CCDC15: variants seen among roughly 807,000 people sequenced by gnomAD.
The protein encoded by CCDC15 is coiled-coil domain containing 15, also known as coiled-coil domain-containing protein 15.
In CCDC15, 105 loss-of-function variants were observed where a neutral mutation model predicts 114.5. The observed-to-expected ratio is 0.92, with a 90% confidence interval of 0.78 to 1.08. The LOEUF (loss-of-function observed/expected upper bound fraction) is 1.08. Among genes scored for constraint, CCDC15 ranks in the 50% least tolerant of loss-of-function variants. CCDC15 has a pLI of 0.00. For synonymous variants in CCDC15, 334 were observed against 377.8 expected, an observed-to-expected ratio of 0.88 and a Z score of 1.34; for missense variants, 1,105 against 1,093.6, an observed-to-expected ratio of 1.01 and a Z score of -0.15.
At chr11:125,003,626 T>C (rs1948513118) in intron 11 of CCDC15, among the ~76,000 whole-genome samples, 1 of 152,060 alleles carries the variant, frequency 6.6e-6, no homozygotes, top group Admixed American at 6.6e-5. Flanking sequence ...ATTTTTTGTT[T>C]ATTCATGTTT....
At chr11:125,020,501 G>A (rs1591610990) in intron 13 of CCDC15, among the ~76,000 whole-genome samples, 2 of 151,900 alleles carry the variant, frequency 1.3e-5, no homozygotes, top group African/African-American at 2.4e-5. Context: ...AATTCTCTTT[G>A]AAATGCAAAT....
intron 13 of CCDC15, among the ~76,000 whole-genome samples, chr11:125,029,355 A>G (rs1307297597): frequency 6.6e-6 from 1 of 152,206 alleles, no homozygotes; most frequent in Non-Finnish European, 1.5e-5. Flanking sequence ...TAATCTTCAA[A>G]TAAAGACATA....
intron 1 of CCDC15, 101 bp from the exon 2 acceptor site, chr11:124,954,623 G>C: frequency 1.0e-6 from 1 of 973,070 alleles, no homozygotes; most frequent in Non-Finnish European, 1.6e-6. Flanking sequence ...TCTGCCTCCA[G>C]GGCTTCTCTC....
chr11:125,038,294 G>A (rs963340751), intron 13 of CCDC15, 137 bp from the exon 14 acceptor site: 1 of 548,580 alleles, frequency 1.8e-6, no homozygotes, highest in Non-Finnish European at 3.0e-6. Context: ...AGAAATTTTT[G>A]AGGATATTCT....
At chr11:124,994,588 G>C in intron 11 of CCDC15, among the ~76,000 whole-genome samples, 1 of 152,104 alleles carries the variant, frequency 6.6e-6, no homozygotes, top group East Asian at 1.9e-4. Flanking sequence ...GAGGGCAGGG[G>C]TTATGAGGAT....
intron 13 of CCDC15, among the ~76,000 whole-genome samples, chr11:125,033,521 G>A (rs569412238): frequency 6.6e-6 from 1 of 152,262 alleles, no homozygotes; most frequent in East Asian, 1.9e-4. Flanking sequence ...CTTCAAAGAT[G>A]TAGGTGTTGC....
chr11:124,974,230 C>T (rs1947934346), intron 4 of CCDC15, among the ~76,000 whole-genome samples: 1 of 152,202 alleles, frequency 6.6e-6, no homozygotes, highest in Non-Finnish European at 1.5e-5. Flanking sequence ...ATCCGCCTGC[C>T]TTGGCCTCCC....
rs376541698 is a variant in CCDC15 at position 124,987,512 on chromosome 11, A to C, written c.1286A>C (p.Lys429Thr). The change falls in exon 8 of 16, where the codon AAA (lysine) becomes ACA (threonine). Residue 429 changes from lysine to threonine, a missense_variant. Transcript: ENST00000344762. ...ACGAAAAACCAGGATGTTTTACTCA[A>C]AGACCACTGTGTTCTCCCTAAAGAC... ...LLTKNQDVLL[K>T]DHCVLPKDQS... 77 of 1,613,940 alleles carry C rather than the reference A, an allele frequency of 4.8e-5. No individual in the cohort carries two copies. The highest frequency in any genetic ancestry group is 6.1e-5 in the Non-Finnish European group (72 of 1,179,916).
intron 13 of CCDC15, among the ~76,000 whole-genome samples, chr11:125,006,302 C>A (rs141138541): frequency 8.5e-4 from 130 of 152,220 alleles, no homozygotes; most frequent in Non-Finnish European, 1.6e-3. Context: ...TTTTCACTTC[C>A]CTAATGACAT....
At chr11:124,990,140 T>C (rs1003448160) in intron 8 of CCDC15, among the ~76,000 whole-genome samples, 1 of 152,156 alleles carries the variant, frequency 6.6e-6, no homozygotes, top group African/African-American at 2.4e-5. Context: ...TAGAGACCAT[T>C]GTAGGGTTAT....
intron 11 of CCDC15, among the ~76,000 whole-genome samples, chr11:124,995,452 A>G (rs907465848): frequency 6.6e-6 from 1 of 152,272 alleles, no homozygotes; most frequent in African/African-American, 2.4e-5. Context: ...TTACCATTGT[A>G]TGAACAGCAC....
chr11:124,973,920 C>T (rs536653999), intron 4 of CCDC15, among the ~76,000 whole-genome samples: 1 of 152,288 alleles, frequency 6.6e-6, no homozygotes, highest in South Asian at 2.1e-4. Context: ...CTGACTAGTA[C>T]AGGATATACT....
intron 13 of CCDC15, among the ~76,000 whole-genome samples, chr11:125,020,016 C>A (rs768897549): frequency 6.6e-6 from 1 of 151,858 alleles, no homozygotes; most frequent in Admixed American, 6.6e-5. Flanking sequence ...ACTATAGTCA[C>A]CCTACTCTGC....
At chr11:124,956,868 C>G (rs1397615856) in intron 2 of CCDC15, among the ~76,000 whole-genome samples, 2 of 152,130 alleles carry the variant, frequency 1.3e-5, no homozygotes, top group African/African-American at 2.4e-5. Flanking sequence ...ATAGTTACTT[C>G]TAAAGCTTGG....
At chr11:124,964,052 AT>A (rs1947721961) in intron 4 of CCDC15, among the ~76,000 whole-genome samples, 1 of 152,042 alleles carries the variant, frequency 6.6e-6, no homozygotes, top group Non-Finnish European at 1.5e-5. Context: ...TAACCTTGTA[AT>A]ATAGTTTGAA....
chr11:125,023,766 A>G (rs1948677291), intron 13 of CCDC15, among the ~76,000 whole-genome samples: 1 of 152,068 alleles, frequency 6.6e-6, no homozygotes. Flanking sequence ...ATGGAAACAT[A>G]ACGTGTGGCA....
In CCDC15 at chr11:125,011,242, A is replaced by ATTTTTT. The variant is rs558615124; in HGVS notation, c.2411+6032_2411+6033insTTTTTT. Among the ~76,000 whole-genome samples the ATTTTTT allele has an allele frequency of 2.2e-4, 32 of 143,520 alleles. No homozygotes were observed. In the East Asian group the frequency reaches 2.6e-3, roughly 12 times the overall value. The allele number at this position is 143,520 out of a possible 152,430, so 94.2% of individuals were successfully genotyped here. On this transcript the variant is annotated intron_variant, in intron 13 of 15. Coordinates refer to ENST00000344762, the MANE Select transcript of CCDC15 (RefSeq NM_025004.3). ...AAGTATTATTATTATTATTATTATT[A>ATTTTTT]TTATTATTTTTTAAGATGGAGTTTC...
chr11:125,008,717 A>G (rs958125450), intron 13 of CCDC15, among the ~76,000 whole-genome samples: 1 of 151,614 alleles, frequency 6.6e-6, no homozygotes, highest in Non-Finnish European at 1.5e-5. Context: ...TTTTTGATAC[A>G]GAGTCTCGCT....
intron 6 of CCDC15, among the ~76,000 whole-genome samples, chr11:124,978,946 C>G (rs182398398): frequency 2.6e-5 from 4 of 152,002 alleles, no homozygotes; most frequent in Middle Eastern, 3.4e-3. Context: ...ACATTTAAGT[C>G]TTTAATTCAT....
Sources: allele counts gnomAD v4.1 joint callset (sites outside exome capture counted in the v4.1 genomes callset), GRCh38; gene constraint gnomAD v4.1.1; transcripts MANE v1.5; gene names NCBI Gene and HGNC (gene_info 2026-07-23, HGNC 2026-07-21).